EPDR1: variants seen among roughly 807,000 people sequenced by gnomAD.
EPDR1 encodes ependymin related 1.
Under a neutral mutation model 23.7 loss-of-function variants are expected in EPDR1, and 27 were observed. That is an observed-to-expected ratio of 1.14 (90% CI 0.84 to 1.57). The LOEUF is 1.57. Ranked by LOEUF, EPDR1 falls within the 40% of genes most tolerant of loss-of-function variation. The pLI is 0.00. For synonymous variants in EPDR1, 137 were observed against 118.2 expected, an observed-to-expected ratio of 1.16 and a Z score of -1.03; for missense variants, 349 against 290.4, an observed-to-expected ratio of 1.20 and a Z score of -1.47.
At chr7:37,942,359 T>C (rs2472660) in intron 1 of EPDR1, among the ~76,000 whole-genome samples, 57,545 of 152,026 alleles carry the variant, frequency 0.38, 11,013 homozygotes, top group South Asian at 0.46. Context: ...CTGAAAAGAA[T>C]AAATATTGTG....
chr7:37,923,933 G>A (rs779357680), intron 1 of EPDR1, among the ~76,000 whole-genome samples: 5 of 152,154 alleles, frequency 3.3e-5, no homozygotes, highest in Admixed American at 1.3e-4. Context: ...TGGTCCCATC[G>A]CTACCACTAT....
chr7:37,950,121 A>T, intron 2 of EPDR1, 79 bp from the exon 3 acceptor site: 1 of 1,064,064 alleles, frequency 9.4e-7, no homozygotes, highest in Non-Finnish European at 1.4e-6. Flanking sequence ...TATGTTATGT[A>T]CATTTTACCA....
intron 1 of EPDR1, among the ~76,000 whole-genome samples, chr7:37,945,416 C>T (rs1361396180): frequency 6.6e-6 from 1 of 152,118 alleles, no homozygotes; most frequent in African/African-American, 2.4e-5. Flanking sequence ...AAACAAGATA[C>T]ACATAAAGGT....
intron 1 of EPDR1, among the ~76,000 whole-genome samples, chr7:37,935,118 G>A (rs987473662): frequency 6.6e-6 from 1 of 152,094 alleles, no homozygotes; most frequent in Non-Finnish European, 1.5e-5. Flanking sequence ...TTTTATCTAA[G>A]GGACTTGAGC....
intron 2 of EPDR1, among the ~76,000 whole-genome samples, chr7:37,949,851 A>G (rs1478191169): frequency 6.6e-6 from 1 of 152,240 alleles, no homozygotes; most frequent in Non-Finnish European, 1.5e-5. Flanking sequence ...GTTAAGAGAA[A>G]CAATGCAGGC....
intron 1 of EPDR1, among the ~76,000 whole-genome samples, chr7:37,946,599 C>T (rs2132019401): frequency 6.6e-6 from 1 of 152,262 alleles, no homozygotes; most frequent in Middle Eastern, 3.4e-3. Context: ...TGTGAAACTG[C>T]CTCAGGCAGG....
chr7:37,920,796 C>G lies in EPDR1; in HGVS notation c.-144C>G. 6.2e-7 allele frequency: 1 copy of G among 1,610,084 alleles called. No homozygotes were observed. The highest frequency in any genetic ancestry group is 1.7e-5 in the Admixed American group (1 of 59,882). On this transcript the variant is annotated 5_prime_UTR_variant, in exon 1 of 3. Coordinates refer to ENST00000199448, the MANE Select transcript of EPDR1 (RefSeq NM_017549.5). ...GTCCGGATCTCAAAAGCGGCAGAGG[C>G]CACCGAAGGGACAGGAAGCACTTTG...
chr7:37,930,583 T>A (rs377203639), intron 1 of EPDR1, among the ~76,000 whole-genome samples: 9 of 152,318 alleles, frequency 5.9e-5, no homozygotes, highest in African/African-American at 2.2e-4. Context: ...CCCTGTCCTT[T>A]TGAATAGAAA....
In EPDR1 at chr7:37,951,138, G is replaced by A. The variant is rs1240834014; in HGVS notation, c.*742G>A. 3.3e-5 allele frequency: 5 copies of A among 152,150 alleles called. No individual in the cohort carries two copies. The highest frequency in any genetic ancestry group is 5.9e-5 in the Non-Finnish European group (4 of 68,024). 9.4% of individuals were successfully genotyped at this position (152,150 alleles called of 1,614,324 possible). On this transcript the variant is annotated 3_prime_UTR_variant, in exon 3 of 3. Transcript: ENST00000199448. ...TCTTTTTTTTCTATGCAAGAGTATT[G>A]ATGTATGTGCTGAATCTTCACAGAC...
chr7:37,950,122 C>A, intron 2 of EPDR1, 78 bp from the exon 3 acceptor site: 1 of 1,090,404 alleles, frequency 9.2e-7, no homozygotes, highest in Non-Finnish European at 1.3e-6. Flanking sequence ...ATGTTATGTA[C>A]ATTTTACCAC....
At chr7:37,933,501 C>T (rs1303555542) in intron 1 of EPDR1, among the ~76,000 whole-genome samples, 6 of 152,186 alleles carry the variant, frequency 3.9e-5, no homozygotes, top group Non-Finnish European at 8.8e-5. Flanking sequence ...CATATTTTCT[C>T]ATCTGTTAAA....
rs540273844 is a variant in EPDR1 at position 37,951,552 on chromosome 7, G to A, written c.*1156G>A. ...CTTTTATATCCCTAGCACAAAGCAAGTGCCTGGCACATAGTCAGTGCCCTA... is the reference window on the plus strand; with the variant it reads ...CTTTTATATCCCTAGCACAAAGCAAATGCCTGGCACATAGTCAGTGCCCTA... On this transcript the variant is annotated 3_prime_UTR_variant, in exon 3 of 3. Coordinates refer to ENST00000199448, the MANE Select transcript of EPDR1 (RefSeq NM_017549.5). 3 of 152,358 alleles carry A rather than the reference G, an allele frequency of 2.0e-5. No homozygotes were observed. The East Asian group carries it at 5.8e-4, about 29-fold the overall frequency. 9.4% of individuals were successfully genotyped at this position (152,358 alleles called of 1,614,324 possible).
chr7:37,934,770 C>T (rs1786015669), intron 1 of EPDR1, among the ~76,000 whole-genome samples: 1 of 151,918 alleles, frequency 6.6e-6, no homozygotes, highest in Non-Finnish European at 1.5e-5. Flanking sequence ...ATGACAAAAC[C>T]CCATCTCTAC....
chr7:37,938,982 AT>A (rs35030069), intron 1 of EPDR1, among the ~76,000 whole-genome samples: 83 of 144,442 alleles, frequency 5.7e-4, no homozygotes, highest in Middle Eastern at 3.5e-3. Context: ...GGCATGACCA[AT>A]TTTTTTTTTT....
intron 1 of EPDR1, among the ~76,000 whole-genome samples, chr7:37,931,655 G>C (rs1785942543): frequency 6.6e-6 from 1 of 151,994 alleles, no homozygotes. Flanking sequence ...CTCCAGGTAA[G>C]GTGTAGTTTT....
intron 2 of EPDR1, 67 bp from the exon 3 acceptor site, chr7:37,950,133 C>T: frequency 1.6e-6 from 2 of 1,216,432 alleles, no homozygotes; most frequent in Non-Finnish European, 2.3e-6. Context: ...ATTTTACCAC[C>T]ATAAGAAAAA....
chr7:37,937,984 A>ATTTTTTTTTTTTTTTTTTTTTTTT (rs1347900474), intron 1 of EPDR1, among the ~76,000 whole-genome samples: 6 of 62,242 alleles, frequency 9.6e-5, no homozygotes, highest in East Asian at 4.7e-4. Context: ...GTGCCCTTTA[A>ATTTTTTTTTTTTTTTTTTTTTTTT]ATTTTTTTTT....
At chr7:37,942,624 A>G (rs1423695139) in intron 1 of EPDR1, among the ~76,000 whole-genome samples, 2 of 152,192 alleles carry the variant, frequency 1.3e-5, no homozygotes, top group African/African-American at 2.4e-5. Context: ...TTAGATATAA[A>G]AATTAATACG....
chr7:37,950,239 A>G lies in EPDR1; in HGVS notation c.518A>G (p.Tyr173Cys), dbSNP rs771376229. 4.3e-6 allele frequency: 7 copies of G among 1,614,128 alleles called. No homozygotes were observed. The East Asian group carries it at 1.3e-4, about 31-fold the overall frequency. ...WIGIYTVKDC[Y>C]PVQETFTINY... ...GGCATCTATACAGTCAAGGATTGCT[A>G]TCCTGTCCAGGAAACCTTTACCATA... The change falls in exon 3 of 3, where the codon TAT becomes TGT. Residue 173 changes from tyrosine to cysteine, a missense_variant. Coordinates refer to ENST00000199448, the MANE Select transcript of EPDR1 (RefSeq NM_017549.5).
Sources: allele counts gnomAD v4.1 joint callset (sites outside exome capture counted in the v4.1 genomes callset), GRCh38; gene constraint gnomAD v4.1.1; transcripts MANE v1.5; gene names NCBI Gene and HGNC (gene_info 2026-07-23, HGNC 2026-07-21).